The following CSMD3 variants were observed in gnomAD, a reference collection of about 807,000 sequenced individuals.
CSMD3 encodes the protein CUB and sushi domain-containing protein 3.
In CSMD3, 177 loss-of-function variants were observed where a neutral mutation model predicts 435.2. The observed-to-expected ratio is 0.41, with a 90% CI of 0.36 to 0.46. The LOEUF is 0.46. Ranked by LOEUF, CSMD3 falls within the 20% of genes least tolerant of loss-of-function variation. CSMD3 has a pLI of 0.34. For synonymous variants in CSMD3, 1,656 were observed against 1,520.5 expected (o/e 1.09, Z -2.07); for missense variants, 4,265 against 4,504.6 (o/e 0.95, Z 1.52).
intron 3 of CSMD3, among the ~76,000 whole-genome samples, chr8:113,218,009 T>A (rs1393382093): frequency 6.6e-6 from 1 of 151,190 alleles, no homozygotes; most frequent in Non-Finnish European, 1.5e-5. Context: ...TGCTAAATTT[T>A]TAACAGAAGC....
chr8:112,642,713 C>T (rs1470691598), intron 20 of CSMD3, among the ~76,000 whole-genome samples: 1 of 137,548 alleles, frequency 7.3e-6, no homozygotes. Flanking sequence ...TAAAAGCTTG[C>T]ACTGAAGATA....
At chr8:113,369,410 C>T (rs566625329) in intron 1 of CSMD3, among the ~76,000 whole-genome samples, 3 of 151,920 alleles carry the variant, frequency 2.0e-5, no homozygotes, top group South Asian at 4.2e-4. Flanking sequence ...AAGATGATTT[C>T]TGGTAAGGAT....
At chr8:113,076,299 A>G (rs912925925) in intron 5 of CSMD3, among the ~76,000 whole-genome samples, 2 of 151,820 alleles carry the variant, frequency 1.3e-5, no homozygotes, top group African/African-American at 4.8e-5. Flanking sequence ...CTTGTTCATA[A>G]TACATCTTTT....
chr8:113,352,818 A>T (rs1477009037), intron 1 of CSMD3, among the ~76,000 whole-genome samples: 2 of 152,188 alleles, frequency 1.3e-5, no homozygotes, highest in African/African-American at 4.8e-5. Flanking sequence ...AAAGAATCAC[A>T]TCACATAGGT....
intron 3 of CSMD3, among the ~76,000 whole-genome samples, chr8:113,225,252 G>A (rs773136246): frequency 5.3e-5 from 8 of 151,352 alleles, no homozygotes; most frequent in Non-Finnish European, 8.9e-5. Flanking sequence ...GTGCATTAAT[G>A]GCAAAAATTG....
chr8:113,217,546 A>G (rs1386764488), intron 3 of CSMD3, among the ~76,000 whole-genome samples: 1 of 151,782 alleles, frequency 6.6e-6, no homozygotes, highest in African/African-American at 2.4e-5. Flanking sequence ...AAATCTTAGA[A>G]TTAAAATTAA....
chr8:112,879,701 C>G (rs1373891932), intron 10 of CSMD3, among the ~76,000 whole-genome samples: 1 of 151,978 alleles, frequency 6.6e-6, no homozygotes, highest in Non-Finnish European at 1.5e-5. Flanking sequence ...TTTCTCAGAC[C>G]AGCTGACACT....
intron 36 of CSMD3, among the ~76,000 whole-genome samples, chr8:112,386,529 G>A (rs951248254): frequency 1.3e-5 from 2 of 151,768 alleles, no homozygotes; most frequent in African/African-American, 4.8e-5. Context: ...ACAGAGTCTC[G>A]CTCTGTCGCC....
At chr8:112,724,295 G>A (rs1180290784) in intron 13 of CSMD3, among the ~76,000 whole-genome samples, 5 of 151,928 alleles carry the variant, frequency 3.3e-5, no homozygotes, top group African/African-American at 1.2e-4. Flanking sequence ...GAAAAATGGT[G>A]GAAACGAGAA....
At chr8:113,250,745 T>G (rs1255226769) in intron 3 of CSMD3, among the ~76,000 whole-genome samples, 1 of 152,064 alleles carries the variant, frequency 6.6e-6, no homozygotes, top group African/African-American at 2.4e-5. Context: ...AGGAACATAA[T>G]AGTGTTAAAA....
At chr8:113,061,267 C>T (rs2088600777) in intron 5 of CSMD3, among the ~76,000 whole-genome samples, 1 of 152,054 alleles carries the variant, frequency 6.6e-6, no homozygotes, top group Admixed American at 6.6e-5. Flanking sequence ...TGTAGCTACA[C>T]ATTATAGGGT....
At chr8:113,315,189 T>C (rs899115746) in intron 1 of CSMD3, among the ~76,000 whole-genome samples, 1 of 152,196 alleles carries the variant, frequency 6.6e-6, no homozygotes, top group African/African-American at 2.4e-5. Context: ...TGTATGCATT[T>C]TGGGTCCCAA....
chr8:113,024,142 A>G (rs1277962755), intron 5 of CSMD3, among the ~76,000 whole-genome samples: 2 of 151,980 alleles, frequency 1.3e-5, no homozygotes, highest in Non-Finnish European at 2.9e-5. Flanking sequence ...TCGTTTTTAG[A>G]TTCTGAATAT....
rs1159762599 is a variant in CSMD3, at chr8:113,367,988, T to TC, written c.179-53196dup. On this transcript the variant is annotated intron_variant, in intron 1 of 70. Coordinates refer to ENST00000297405, the MANE Select transcript of CSMD3 (RefSeq NM_198123.2). ...AAGTGGAAACATCATGGGGGCTGAGTCCTATTGCTACCTGCTGATTTGCTA... is the reference window on the plus strand; with the variant it reads ...AAGTGGAAACATCATGGGGGCTGAGTCCCTATTGCTACCTGCTGATTTGCTA... Among the ~76,000 whole-genome samples the TC allele has an allele frequency of 4.7e-4, 71 of 152,050 alleles. 1 individual carries two copies. Among genetic ancestry groups the TC allele is most frequent in the Non-Finnish European group, 1.3e-4 (9 of 67,982 alleles).
At chr8:112,720,636 T>C (rs950743647) in intron 13 of CSMD3, among the ~76,000 whole-genome samples, 2 of 152,154 alleles carry the variant, frequency 1.3e-5, no homozygotes, top group African/African-American at 2.4e-5. Context: ...AACCGCAGCA[T>C]AGTACCTATC....
At chr8:112,230,898 C>A (rs2129878114) in intron 69 of CSMD3, among the ~76,000 whole-genome samples, 1 of 152,220 alleles carries the variant, frequency 6.6e-6, no homozygotes, top group South Asian at 2.1e-4. Context: ...TTGTGTATCC[C>A]TGTCACAGTA....
At chr8:112,899,660 CAT>C (rs1458283846) in intron 10 of CSMD3, among the ~76,000 whole-genome samples, 14 of 41,078 alleles carry the variant, frequency 3.4e-4, no homozygotes, top group African/African-American at 1.3e-3. Flanking sequence ...TACGCAAATA[CAT>C]ACACACACAC....
In CSMD3 at chr8:112,666,202, G is replaced by C. The variant is rs2075520640; in HGVS notation, c.2816+75C>G. 6 of 1,151,996 alleles carry C rather than the reference G, an allele frequency of 5.2e-6. No individual in the cohort carries two copies. In the East Asian group the frequency reaches 1.5e-4, roughly 29 times the overall value. The allele number at this position is 1,151,996 out of a possible 1,614,324, so 71.4% of individuals were successfully genotyped here. A position where few individuals can be genotyped will look rare whatever the true frequency, so the allele number is the denominator to read the frequency against. ...TACAATAAAATTAAACATTCATTTG[G>C]TAAATGCAAAAGAGAATGTCAACTA... On this transcript the variant is annotated intron_variant, in intron 17 of 70. Transcript: ENST00000297405.
intron 5 of CSMD3, among the ~76,000 whole-genome samples, chr8:113,061,866 T>C (rs1012127312): frequency 2.0e-5 from 3 of 151,650 alleles, no homozygotes; most frequent in Admixed American, 2.0e-4. Context: ...ACTAATCTTA[T>C]GATATAGACT....
Sources: gnomAD v4.1 joint callset for allele counts (sites outside exome capture counted in the v4.1 genomes callset) on GRCh38, gnomAD v4.1.1 for gene constraint, MANE v1.5 for transcripts, NCBI Gene and HGNC (gene_info 2026-07-23, HGNC 2026-07-21) for gene names.